Variants in DNAH3 observed in about 807,000 individuals in gnomAD.
DNAH3 encodes axonemal beta dynein heavy chain 3.
Under a neutral mutation model 432.5 loss-of-function variants are expected in DNAH3, and 332 were observed. The observed-to-expected ratio is 0.77, with a 90% confidence interval of 0.70 to 0.84. The LOEUF (loss-of-function observed/expected upper bound fraction) is 0.84. DNAH3 is among the 40% of genes least tolerant of loss of function. The pLI, the probability that DNAH3 is intolerant of heterozygous loss-of-function variation, is 0.00. For missense variants in DNAH3, 4,861 were observed against 5,114.0 expected (o/e 0.95, Z 1.51); for synonymous variants, 1,956 against 1,900.2 (o/e 1.03, Z -0.76).
exon 55 of DNAH3, chr16:20,955,053 A>G: frequency 6.2e-7 from 1 of 1,603,290 alleles, no homozygotes; most frequent in Non-Finnish European, 8.5e-7. Flanking sequence ...CTGGTTAGCC[A>G]GAGTCTGGAA....
At chr16:21,051,581 A>G in intron 29 of DNAH3, 89 bp downstream of exon 29, 1 of 1,339,214 alleles carries the variant, frequency 7.5e-7, no homozygotes, top group Non-Finnish European at 1.1e-6. Context: ...GGTAAAGGTA[A>G]CCCAAGACAT....
At position 21,134,139 on chromosome 16, in the gene DNAH3, T is replaced by C. The variant is rs182830578; in HGVS notation, c.1082+120A>G. On this transcript the variant is annotated intron_variant, in intron 7 of 61. Coordinates refer to ENST00000261383, the Ensembl canonical transcript of DNAH3. ...TCACATGCATATTTGGCCTAGATTT[T>C]TTTTTCTTTCATTTCTCTATGCTGT... 123 of 1,039,040 alleles carry C rather than the reference T, an allele frequency of 1.2e-4. No homozygotes were observed. The African/African-American group carries it at 1.7e-3, about 15-fold the overall frequency. 64.4% of individuals were successfully genotyped at this position (1,039,040 alleles called of 1,614,324 possible).
At chr16:21,060,327 C>T (rs1597271899) in exon 26 of DNAH3, 6 of 1,614,020 alleles carry the variant, frequency 3.7e-6, no homozygotes, top group Non-Finnish European at 5.1e-6. Context: ...TCATCTGCTC[C>T]ACCTGCTGGA....
chr16:21,069,099 G>T (rs1907974), intron 23 of DNAH3, among the ~76,000 whole-genome samples: 1 of 92,050 alleles, frequency 1.1e-5, no homozygotes, highest in Admixed American at 1.2e-4. Flanking sequence ...TAATATTTGT[G>T]TGTGTGTGTG....
chr16:21,117,574 C>T (rs893686278), intron 11 of DNAH3, among the ~76,000 whole-genome samples: 1 of 152,260 alleles, frequency 6.6e-6, no homozygotes, highest in South Asian at 2.1e-4. Flanking sequence ...GGGTCTTGTC[C>T]TTTGAGAGTC....
chr16:21,081,653 G>T, exon 20 of DNAH3: 1 of 1,613,462 alleles, frequency 6.2e-7, no homozygotes. Context: ...CGAATTTGCC[G>T]AATCCAAATT....
intron 20 of DNAH3, among the ~76,000 whole-genome samples, chr16:21,079,091 G>A (rs1346208537): frequency 2.6e-5 from 4 of 152,196 alleles, no homozygotes; most frequent in African/African-American, 4.8e-5. Context: ...ATGTTTATTT[G>A]CTCATTCACT....
intron 1 of DNAH3, among the ~76,000 whole-genome samples, chr16:21,149,280 TTC>T (rs2092824594): frequency 1.3e-5 from 2 of 152,052 alleles, no homozygotes; most frequent in South Asian, 2.1e-4. Flanking sequence ...TGCTTAAATC[TTC>T]TCTTTGGTAA....
At chr16:20,943,222 A>AG (rs2083895059) in intron 58 of DNAH3, among the ~76,000 whole-genome samples, 1 of 151,576 alleles carries the variant, frequency 6.6e-6, no homozygotes, top group African/African-American at 2.4e-5. Context: ...CTGGGATTAC[A>AG]GGTGCACGCC....
intron 49 of DNAH3, among the ~76,000 whole-genome samples, chr16:20,981,490 T>C (rs377742749): frequency 2.6e-5 from 4 of 152,230 alleles, no homozygotes; most frequent in Admixed American, 2.0e-4. Flanking sequence ...TCCCAGCACT[T>C]TGGGAGGCCG....
rs201066816 is a variant in DNAH3, at chr16:21,031,269, A to G, written c.5215T>C (p.Phe1739Leu). The change falls in exon 37 of 62, where the codon TTT becomes CTT. Residue 1739 changes from phenylalanine to leucine, a missense_variant. By Grantham distance (22) the Phe-to-Leu change is conservative. Coordinates refer to ENST00000261383, the Ensembl canonical transcript of DNAH3. ...TTGATGATCTTGTACTCCACAGCAA[A>G]CTCCTCCATCTGATTGGCTGGGCAA... 3.3e-4 allele frequency: 540 copies of G among 1,613,884 alleles called. No individual in the cohort carries two copies. Among genetic ancestry groups the G allele is most frequent in the Non-Finnish European group, 4.0e-4 (477 of 1,179,998 alleles).
At chr16:20,959,610 AACACACAC>A (rs55757849) in intron 53 of DNAH3, among the ~76,000 whole-genome samples, 13,483 of 137,532 alleles carry the variant, frequency 0.098, 665 homozygotes, top group Middle Eastern at 0.12. Flanking sequence ...TCTCTATTTA[AACACACAC>A]ACACACACAC....
chr16:21,095,037 T>C (rs1174365018), intron 18 of DNAH3, among the ~76,000 whole-genome samples: 1 of 152,168 alleles, frequency 6.6e-6, no homozygotes, highest in Admixed American at 6.5e-5. Flanking sequence ...GTCTCAGGTA[T>C]TTCTTCATAG....
chr16:20,961,512 T>A (rs1412341349), intron 53 of DNAH3, among the ~76,000 whole-genome samples: 3 of 147,074 alleles, frequency 2.0e-5, no homozygotes, highest in Non-Finnish European at 3.0e-5. Context: ...AATAAATGAA[T>A]AAAAAAATAA....
intron 32 of DNAH3, among the ~76,000 whole-genome samples, chr16:21,041,546 G>A (rs1353098949): frequency 6.6e-6 from 1 of 152,152 alleles, no homozygotes; most frequent in African/African-American, 2.4e-5. Context: ...ATTAGTAACA[G>A]GGGGTAGACC....
At chr16:21,072,793 T>C (rs1290138939) in intron 21 of DNAH3, among the ~76,000 whole-genome samples, 1 of 150,814 alleles carries the variant, frequency 6.6e-6, no homozygotes, top group Admixed American at 6.6e-5. Flanking sequence ...AAGTAGCTGG[T>C]GCACATCACC....
At chr16:20,987,230 C>T in intron 47 of DNAH3, 75 bp downstream of exon 47, 5 of 1,571,088 alleles carry the variant, frequency 3.2e-6, no homozygotes, top group Non-Finnish European at 4.3e-6. Context: ...AGGAAGGGAA[C>T]CTGAAATCTG....
intron 25 of DNAH3, among the ~76,000 whole-genome samples, chr16:21,062,260 T>G (rs1171579781): frequency 1.3e-5 from 2 of 152,034 alleles, no homozygotes; most frequent in African/African-American, 4.8e-5. Flanking sequence ...ATCCACAAAT[T>G]TAATATGTCA....
chr16:21,145,134 T>G, intron 3 of DNAH3, 47 bp downstream of exon 4: 1 of 1,437,408 alleles, frequency 7.0e-7, no homozygotes, highest in South Asian at 1.2e-5. Context: ...AAATAAAAAT[T>G]TCCTCCAAAG....
Sources: gnomAD v4.1 joint callset for allele counts (sites outside exome capture counted in the v4.1 genomes callset) on GRCh38, gnomAD v4.1.1 for gene constraint, MANE v1.5 for transcripts, NCBI Gene and HGNC (gene_info 2026-07-23, HGNC 2026-07-21) for gene names.